CNTNAP2: variants seen among roughly 807,000 people sequenced by gnomAD.
CNTNAP2 encodes the protein contactin-associated protein-like 2.
CNTNAP2 carries 98 observed loss-of-function variants against 155.2 expected under a neutral mutation model. That is an observed-to-expected ratio of 0.63 (90% CI 0.54 to 0.75). The LOEUF (loss-of-function observed/expected upper bound fraction) is 0.75, where lower values mean the gene tolerates loss of function less well. CNTNAP2 is among the 30% of genes least tolerant of loss of function. CNTNAP2 has a pLI of 0.00. For missense variants in CNTNAP2, 1,727 were observed against 1,688.1 expected, an observed-to-expected ratio of 1.02 and a Z score of -0.40; for synonymous variants, 651 against 631.2, an observed-to-expected ratio of 1.03 and a Z score of -0.47.
chr7:147,798,140 A>T (rs1408387064), intron 13 of CNTNAP2, among the ~76,000 whole-genome samples: 1 of 152,212 alleles, frequency 6.6e-6, no homozygotes, highest in Non-Finnish European at 1.5e-5. Flanking sequence ...CATTGTTGTC[A>T]CAGTGCACGG....
At chr7:147,145,277 G>T (rs1801679314) in intron 8 of CNTNAP2, among the ~76,000 whole-genome samples, 1 of 152,142 alleles carries the variant, frequency 6.6e-6, no homozygotes, top group Non-Finnish European at 1.5e-5. Context: ...AGCTAGGAGT[G>T]ATTTTGACCC....
At chr7:147,391,200 A>G (rs866374360) in intron 9 of CNTNAP2, among the ~76,000 whole-genome samples, 3 of 152,192 alleles carry the variant, frequency 2.0e-5, no homozygotes, top group Non-Finnish European at 2.9e-5. Flanking sequence ...AAAAGTGGAG[A>G]AAATAAGAGA....
At position 147,616,975 on chromosome 7, in the gene CNTNAP2, A is replaced by G. The variant is rs538068876; in HGVS notation, c.1898-22131A>G. ...CAAGTTTTCTACACCCACGCCTACG[A>G]TCGTGTGCTAGACCTTTCAACCTAT... On this transcript the variant is annotated intron_variant, in intron 12 of 23. Transcript: ENST00000361727. Among the ~76,000 whole-genome samples the G allele has an allele frequency of 2.9e-3, 441 of 152,264 alleles. 2 individuals carry two copies. Among genetic ancestry groups the G allele is most frequent in the African/African-American group, 0.01 (435 of 41,552 alleles).
At chr7:146,706,346 T>C (rs574619869) in intron 1 of CNTNAP2, among the ~76,000 whole-genome samples, 3 of 152,102 alleles carry the variant, frequency 2.0e-5, no homozygotes, top group Admixed American at 2.0e-4. Flanking sequence ...ATTAAGAAAG[T>C]AAGTGAATAT....
chr7:146,928,718 G>A (rs1433537438), intron 3 of CNTNAP2, among the ~76,000 whole-genome samples: 4 of 152,186 alleles, frequency 2.6e-5, no homozygotes, highest in Admixed American at 1.3e-4. Context: ...CTGGAAAATC[G>A]GGTCACTCCC....
At chr7:146,953,586 C>G (rs536315066) in intron 3 of CNTNAP2, among the ~76,000 whole-genome samples, 2 of 151,840 alleles carry the variant, frequency 1.3e-5, no homozygotes, top group Non-Finnish European at 1.5e-5. Context: ...TAAAACAATA[C>G]CTCTTGCATC....
chr7:147,900,288 G>A (rs574665612), intron 13 of CNTNAP2, among the ~76,000 whole-genome samples: 4 of 152,112 alleles, frequency 2.6e-5, no homozygotes, highest in Non-Finnish European at 1.5e-5. Context: ...TCAAGGGGGG[G>A]ACTTGGTGGG....
chr7:147,506,664 G>C (rs559286804), intron 11 of CNTNAP2, among the ~76,000 whole-genome samples: 3 of 152,186 alleles, frequency 2.0e-5, no homozygotes, highest in Non-Finnish European at 4.4e-5. Flanking sequence ...ACTAAATGTA[G>C]TTAGTTGCCC....
chr7:148,216,732 T>C (rs1030245088), intron 18 of CNTNAP2, among the ~76,000 whole-genome samples: 1 of 152,238 alleles, frequency 6.6e-6, no homozygotes, highest in Non-Finnish European at 1.5e-5. Flanking sequence ...CTATATGATA[T>C]GGTTTGGCTC....
At chr7:146,754,219 C>T (rs980456793) in intron 1 of CNTNAP2, among the ~76,000 whole-genome samples, 1 of 151,892 alleles carries the variant, frequency 6.6e-6, no homozygotes, top group Non-Finnish European at 1.5e-5. Flanking sequence ...CTATTTCTTC[C>T]AGAGACATTT....
At chr7:148,326,892 G>T (rs1797901718) in intron 21 of CNTNAP2, among the ~76,000 whole-genome samples, 1 of 151,926 alleles carries the variant, frequency 6.6e-6, no homozygotes, top group Non-Finnish European at 1.5e-5. Flanking sequence ...AGAGCAAATG[G>T]AATGAAGAAC....
chr7:147,995,297 C>G (rs1449802815), intron 15 of CNTNAP2, among the ~76,000 whole-genome samples: 4 of 152,184 alleles, frequency 2.6e-5, no homozygotes, highest in African/African-American at 7.2e-5. Flanking sequence ...CTCCTGAAAT[C>G]TAACTTGGTG....
intron 1 of CNTNAP2, among the ~76,000 whole-genome samples, chr7:146,346,987 C>T (rs1310256127): frequency 2.0e-5 from 3 of 150,544 alleles, no homozygotes; most frequent in Admixed American, 6.6e-5. Context: ...AGAAAGGGAT[C>T]GATGAAAAAT....
intron 1 of CNTNAP2, among the ~76,000 whole-genome samples, chr7:146,768,832 T>C (rs1585081495): frequency 6.6e-6 from 1 of 152,210 alleles, no homozygotes; most frequent in Non-Finnish European, 1.5e-5. Flanking sequence ...AGTTTAAACA[T>C]ATATTGTTTT....
At chr7:146,874,003 A>G (rs1795369569) in intron 3 of CNTNAP2, among the ~76,000 whole-genome samples, 1 of 152,126 alleles carries the variant, frequency 6.6e-6, no homozygotes, top group Non-Finnish European at 1.5e-5. Context: ...GGAAATGCTA[A>G]AATGTCACAC....
At chr7:147,878,576 T>G (rs761109811) in intron 13 of CNTNAP2, among the ~76,000 whole-genome samples, 1 of 152,226 alleles carries the variant, frequency 6.6e-6, no homozygotes, top group Non-Finnish European at 1.5e-5. Flanking sequence ...TCAAATACTT[T>G]TATAGATTTA....
At chr7:147,415,538 T>C (rs1797177844) in intron 10 of CNTNAP2, among the ~76,000 whole-genome samples, 1 of 152,198 alleles carries the variant, frequency 6.6e-6, no homozygotes. Flanking sequence ...CTGAAGAAAG[T>C]GCCTTGCTTC....
intron 12 of CNTNAP2, among the ~76,000 whole-genome samples, chr7:147,597,851 C>T (rs1800854952): frequency 6.6e-6 from 1 of 152,176 alleles, no homozygotes; most frequent in African/African-American, 2.4e-5. Context: ...ATTTGTTCTG[C>T]TTCAGGTTCT....
chr7:148,146,655 C>T (rs543784262), intron 16 of CNTNAP2, among the ~76,000 whole-genome samples: 5 of 152,250 alleles, frequency 3.3e-5, no homozygotes, highest in African/African-American at 9.6e-5. Context: ...AGACGATGTA[C>T]GACAGGGATT....
Sources: gnomAD v4.1 joint callset for allele counts (sites outside exome capture counted in the v4.1 genomes callset) on GRCh38, gnomAD v4.1.1 for gene constraint, MANE v1.5 for transcripts, NCBI Gene and HGNC (gene_info 2026-07-23, HGNC 2026-07-21) for gene names.